Variants in CD5 observed in about 807,000 individuals in gnomAD.
CD5 encodes the protein T-cell surface glycoprotein CD5.
CD5 carries 36 observed loss-of-function variants against 60.3 expected under a neutral mutation model. The ratio of observed to expected loss-of-function variants is 0.60; its 90% CI spans 0.46 to 0.79. CD5 has a LOEUF of 0.79. Ranked by LOEUF, CD5 falls within the 30% of genes least tolerant of loss-of-function variation. The probability of loss-of-function intolerance (pLI) is 0.00; values close to 1 mark genes in which losing one functional copy is unlikely to be tolerated. For missense variants in CD5, 540 were observed against 630.6 expected (o/e 0.86, Z 1.54); for synonymous variants, 230 against 257.6 (o/e 0.89, Z 1.03).
chr11:61,108,990 C>T (rs1438738191), intron 1 of CD5, among the ~76,000 whole-genome samples: 1 of 152,198 alleles, frequency 6.6e-6, no homozygotes, highest in African/African-American at 2.4e-5. Flanking sequence ...CCCTTGCCTC[C>T]ATTTCCCAGG....
At chr11:61,113,918 C>T (rs1160039132) in intron 1 of CD5, among the ~76,000 whole-genome samples, 2 of 152,226 alleles carry the variant, frequency 1.3e-5, no homozygotes, top group Non-Finnish European at 2.9e-5. Flanking sequence ...GATCCCCCCA[C>T]CTCGGCCTCC....
At chr11:61,094,664 G>T in the CD5 span, among the ~76,000 whole-genome samples, 9 of 152,198 alleles carry the variant, frequency 5.9e-5, no homozygotes, top group South Asian at 8.3e-4. Context: ...CTTTTTACCC[G>T]TTCTTTGTTT....
upstream of CD5, among the ~76,000 whole-genome samples, chr11:61,097,784 T>G (rs776577770): frequency 2.0e-5 from 3 of 152,106 alleles, no homozygotes; most frequent in Non-Finnish European, 4.4e-5. Context: ...GGCCTGTTAC[T>G]TGGGCACAAG....
At chr11:61,099,800 T>C (rs1217442734), upstream of CD5, among the ~76,000 whole-genome samples, 3 of 145,080 alleles carry the variant, frequency 2.1e-5, no homozygotes, top group Non-Finnish European at 4.5e-5. Flanking sequence ...ATATATCAAA[T>C]GGGGATTACA....
chr11:61,126,115 G>A lies in CD5; in HGVS notation c.*3-173G>A, dbSNP rs113915075. Among the ~76,000 whole-genome samples, 882 of 152,324 alleles carry A rather than the reference G, an allele frequency of 5.8e-3. 7 individuals carry two copies. The highest frequency in any genetic ancestry group is 0.017 in the African/African-American group (687 of 41,572). ...CACAGGCAGAGTCCCTAAGAGCTCC[G>A]TGATGGAGTCACACCCCTCTAGAGC... On this transcript the variant is annotated intron_variant, in intron 10 of 10. Transcript: ENST00000347785.
chr11:61,127,817 A>C lies in CD5; in HGVS notation c.*1532A>C, dbSNP rs1255051818. On this transcript the variant is annotated 3_prime_UTR_variant, in exon 11 of 11. Transcript: ENST00000347785. ...CAAAGCAACCATGGCCTACTTAAAA[A>C]CCAAACCAAAAATAAAGAGTTTAGT... 6.6e-6 allele frequency: 1 copy of C among 152,174 alleles called. No individual in the cohort carries two copies. The highest frequency in any genetic ancestry group is 1.5e-5 in the Non-Finnish European group (1 of 68,022). The allele number at this position is 152,174 out of a possible 1,614,324, so 9.4% of individuals were successfully genotyped here. A position where few individuals can be genotyped will look rare whatever the true frequency, so the allele number is the denominator to read the frequency against.
Position 61,123,040 on chromosome 11 carries a change from T to C in CD5, c.1225+8T>C. 6.2e-7 allele frequency: 1 copy of C among 1,605,448 alleles called. No homozygotes were observed. Among genetic ancestry groups the C allele is most frequent in the Non-Finnish European group, 8.5e-7 (1 of 1,175,608 alleles). ...AGAAGCTAGTGAAGAAATGTAGGTGTCACGGCCCTGAGTGGCTCCGTTCCC... is the reference window on the plus strand; with the variant it reads ...AGAAGCTAGTGAAGAAATGTAGGTGCCACGGCCCTGAGTGGCTCCGTTCCC... On this transcript the variant is annotated splice_region_variant and intron_variant, in intron 7 of 10. Transcript: ENST00000347785.
chr11:61,105,616 A>G (rs1299900775), intron 1 of CD5, among the ~76,000 whole-genome samples: 1 of 152,220 alleles, frequency 6.6e-6, no homozygotes, highest in African/African-American at 2.4e-5. Flanking sequence ...GGGTCTTGCC[A>G]GAGGCCTGCA....
chr11:61,118,308 A>G lies in CD5; in HGVS notation c.228A>G (p.Gln76=). ...CCAAGCAGTGGGAGGACCCCAGTCAAGCGTCAAAAGTCTGCCAGCGGCTGA... is the reference window on the plus strand; with the variant it reads ...CCAAGCAGTGGGAGGACCCCAGTCAGGCGTCAAAAGTCTGCCAGCGGCTGA... ...RSSKQWEDPS[Q]ASKVCQRLNC... is the part of the protein sequence containing the mutation. The change falls in exon 3 of 11, where the codon CAA becomes CAG. Residue 76 remains glutamine, a synonymous_variant. Transcript: ENST00000347785. This position sits in a 1 kb window ranked among gnomAD's most constrained non-coding sequence, Gnocchi z 4.7. 6.2e-7 allele frequency: 1 copy of G among 1,614,260 alleles called. No individual in the cohort carries two copies. Among genetic ancestry groups the G allele is most frequent in the Admixed American group, 1.7e-5 (1 of 60,032 alleles).
chr11:61,113,910 T>TC (rs1565184342), intron 1 of CD5, among the ~76,000 whole-genome samples: 1 of 152,086 alleles, frequency 6.6e-6, no homozygotes, highest in Non-Finnish European at 1.5e-5. Context: ...CCTCAAGTGA[T>TC]CCCCCCACCT....
chr11:61,108,739 T>G (rs182305702), intron 1 of CD5, among the ~76,000 whole-genome samples: 2 of 152,266 alleles, frequency 1.3e-5, no homozygotes, highest in Admixed American at 6.5e-5. Flanking sequence ...GGAATCACTG[T>G]TTACGGGAAA....
chr11:61,120,807 C>G (rs1221363311), intron 5 of CD5, among the ~76,000 whole-genome samples: 1 of 152,226 alleles, frequency 6.6e-6, no homozygotes, highest in Non-Finnish European at 1.5e-5. Flanking sequence ...AGAGCAGGGG[C>G]TGGCTCGCAG....
At chr11:61,102,457 C>A, upstream of CD5, 1 of 507,228 alleles carries the variant, frequency 2.0e-6, no homozygotes. Context: ...CCTCCCTGAG[C>A]ACGCCACCCC....
intron 8 of CD5, among the ~76,000 whole-genome samples, chr11:61,124,393 A>G (rs911052800): frequency 1.3e-5 from 2 of 152,160 alleles, no homozygotes; most frequent in African/African-American, 4.8e-5. Context: ...GCATTTTTGT[A>G]TTGCCCATCT....
Position 61,102,592 on chromosome 11 carries a change from C to T in CD5, c.32C>T (p.Thr11Ile). The T allele has an allele frequency of 1.9e-6, 3 of 1,593,438 alleles. No individual in the cohort carries two copies. The highest frequency in any genetic ancestry group is 2.6e-6 in the Non-Finnish European group (3 of 1,169,456). ...ATGGGGTCTCTGCAACCGCTGGCCA[C>T]CTTGTACCTGCTGGGGATGCTGGGT... Reference protein sequence around the residue: MPMGSLQPLATLYLLGMLVAS... With the variant: MPMGSLQPLAILYLLGMLVAS... Residue 11 changes from threonine to isoleucine, a missense_variant, in exon 1 of 11, where the codon ACC becomes ATC. Physicochemically the swap from Thr to Ile is moderately conservative, Grantham distance 89 (BLOSUM62 -1). Transcript: ENST00000347785.
At chr11:61,097,604 A>T (rs2134583544), upstream of CD5, among the ~76,000 whole-genome samples, 1 of 152,336 alleles carries the variant, frequency 6.6e-6, no homozygotes, top group East Asian at 1.9e-4. Context: ...ACCACTGGGC[A>T]GGTAGTTGTG....
intron 1 of CD5, among the ~76,000 whole-genome samples, chr11:61,112,093 T>G (rs984265005): frequency 7.2e-5 from 11 of 152,174 alleles, no homozygotes; most frequent in African/African-American, 2.4e-4. Context: ...TGTGTAGCAC[T>G]GAAGGGCAGA....
At chr11:61,114,036 G>C (rs541524685) in intron 1 of CD5, among the ~76,000 whole-genome samples, 2 of 151,794 alleles carry the variant, frequency 1.3e-5, no homozygotes, top group Non-Finnish European at 2.9e-5. Flanking sequence ...GGAAACATGC[G>C]GGACATTTTT....
At chr11:61,106,069 G>A (rs562409347) in intron 1 of CD5, among the ~76,000 whole-genome samples, 1 of 140,982 alleles carries the variant, frequency 7.1e-6, no homozygotes, top group African/African-American at 2.7e-5. Flanking sequence ...AGGTTGCGGT[G>A]AGCCGAGATC....
Sources: gnomAD v4.1 joint callset for allele counts (sites outside exome capture counted in the v4.1 genomes callset) on GRCh38, gnomAD v4.1.1 for gene constraint, Gnocchi (gnomAD v3.1) non-coding constraint, MANE v1.5 for transcripts, NCBI Gene and HGNC (gene_info 2026-07-23, HGNC 2026-07-21) for gene names.